Variants in ABLIM2 observed in about 807,000 individuals in gnomAD.
The protein encoded by ABLIM2 is actin-binding LIM protein 2.
ABLIM2 carries 53 observed loss-of-function variants against 97.7 expected under a neutral mutation model. The ratio of observed to expected loss-of-function variants is 0.54; its 90% CI spans 0.44 to 0.68. The LOEUF (loss-of-function observed/expected upper bound fraction) is 0.68, where lower values mean the gene tolerates loss of function less well. ABLIM2 is among the 30% of genes least tolerant of loss of function. The pLI is 0.00. For missense variants in ABLIM2, 835 were observed against 867.2 expected, an observed-to-expected ratio of 0.96 and a Z score of 0.47; for synonymous variants, 361 against 345.8, an observed-to-expected ratio of 1.04 and a Z score of -0.49.
At chr4:8,126,034 C>T (rs189060799) in intron 1 of ABLIM2, among the ~76,000 whole-genome samples, 1 of 152,300 alleles carries the variant, frequency 6.6e-6, no homozygotes, top group Admixed American at 6.5e-5. Context: ...CTCCAAGCCC[C>T]ACGGTGAGGT....
At chr4:8,076,113 G>T (rs1000407710) in intron 6 of ABLIM2, among the ~76,000 whole-genome samples, 3 of 152,214 alleles carry the variant, frequency 2.0e-5, no homozygotes, top group African/African-American at 4.8e-5. Flanking sequence ...GACCCTTCCC[G>T]TGGGGGCATC....
chr4:8,023,401 G>A lies in ABLIM2; in HGVS notation c.1268-3098C>T, dbSNP rs1775262213. On this transcript the variant is annotated intron_variant, in intron 12 of 20. Transcript: ENST00000447017. This position sits in a 1 kb window ranked among gnomAD's most constrained non-coding sequence, Gnocchi z 5.7. Reference sequence around the variant, plus strand: ...TCTGGCAGTTTTGAGGAGGGCTGCTGAGGGTTTTTGCCTGATGTTTTCTCA... The same window carrying A: ...TCTGGCAGTTTTGAGGAGGGCTGCTAAGGGTTTTTGCCTGATGTTTTCTCA... Among the ~76,000 whole-genome samples the A allele has an allele frequency of 1.3e-5, 2 of 152,268 alleles. No individual in the cohort carries two copies. The highest frequency in any genetic ancestry group is 1.3e-4 in the Admixed American group (2 of 15,290).
rs944353281 is a variant in ABLIM2 at position 8,036,146 on chromosome 4, T to C, written c.1047+3A>G. The C allele has an allele frequency of 6.2e-7, 1 of 1,613,668 alleles. No individual in the cohort carries two copies. Among genetic ancestry groups the C allele is most frequent in the Non-Finnish European group, 8.5e-7 (1 of 1,179,700 alleles). ...TCCAGGGCCATGTGGGCAGGGTCCA[T>C]ACCTCGCCGTAGCTCTGCCTGTCCC... is the stretch of plus-strand genomic sequence containing the variant. On this transcript the variant is annotated splice_donor_region_variant and intron_variant, in intron 10 of 20. Coordinates refer to ENST00000447017, the MANE Select transcript of ABLIM2 (RefSeq NM_001130083.2).
intron 9 of ABLIM2, among the ~76,000 whole-genome samples, chr4:8,039,874 G>GTTT (rs397947626): frequency 0.04 from 4,377 of 108,416 alleles, 247 homozygotes; most frequent in African/African-American, 0.12. Context: ...GCTGATTACT[G>GTTT]TTTTTTTTTT....
chr4:7,969,539 G>A (rs1228928368), intron 20 of ABLIM2, among the ~76,000 whole-genome samples: 2 of 152,098 alleles, frequency 1.3e-5, no homozygotes, highest in Non-Finnish European at 2.9e-5. Context: ...GAGACATCTG[G>A]TCAACTATGA....
chr4:8,055,491 C>A (rs566232418), intron 7 of ABLIM2, among the ~76,000 whole-genome samples: 1 of 152,336 alleles, frequency 6.6e-6, no homozygotes, highest in Admixed American at 6.5e-5. Flanking sequence ...GCTGGCACTG[C>A]ACTCACACAC....
Position 8,032,373 on chromosome 4 carries a change from C to G in ABLIM2, c.1048-2597G>C, listed in dbSNP as rs964397738. Reference sequence around the variant, plus strand: ...CTGAATTTTCCCCTAAAGGAAGCCACGGCCCAGACCACGATCTGCTCAGGG... The same window carrying G: ...CTGAATTTTCCCCTAAAGGAAGCCAGGGCCCAGACCACGATCTGCTCAGGG... On this transcript the variant is annotated intron_variant, in intron 10 of 20. Coordinates refer to ENST00000447017, the MANE Select transcript of ABLIM2 (RefSeq NM_001130083.2). This position sits in a 1 kb window ranked among gnomAD's most constrained non-coding sequence, Gnocchi z 4.3. 3.3e-5 allele frequency among the ~76,000 whole-genome samples: 5 copies of G among 152,304 alleles called. No homozygotes were observed. The highest frequency in any genetic ancestry group is 1.2e-4 in the African/African-American group (5 of 41,576).
In ABLIM2 at chr4:8,025,602, G is replaced by A. The variant is rs140430310; in HGVS notation, c.1267+2157C>T. On this transcript the variant is annotated intron_variant, in intron 12 of 20. Transcript: ENST00000447017. ...TCCTGGGCCTTCTTCACCCTGAAGT[G>A]GTAAGAATTAGACGGTGGACACTCA... is the stretch of plus-strand genomic sequence containing the variant. 8.0e-3 allele frequency among the ~76,000 whole-genome samples: 1,218 copies of A among 152,306 alleles called. 13 individuals are homozygous for A. The highest frequency in any genetic ancestry group is 0.014 in the Middle Eastern group (4 of 294).
At position 8,112,450 on chromosome 4, in the gene ABLIM2, C is replaced by A. The variant is rs1244844069; in HGVS notation, c.11-5813G>T. On this transcript the variant is annotated intron_variant, in intron 1 of 20. Coordinates refer to ENST00000447017, the MANE Select transcript of ABLIM2 (RefSeq NM_001130083.2). The surrounding 1 kb of genome is among the most constrained non-coding windows in gnomAD (Gnocchi z 4.2). ...AGAAAGCTCCACGTGCAAGGTCTGA[C>A]AGGTGGCCGTGAACAGTAGCTGTTA... 6.6e-6 allele frequency among the ~76,000 whole-genome samples: 1 copy of A among 152,214 alleles called. No homozygotes were observed. The highest frequency in any genetic ancestry group is 1.5e-5 in the Non-Finnish European group (1 of 68,040).
At chr4:8,077,185 C>T (rs1404016923) in intron 6 of ABLIM2, among the ~76,000 whole-genome samples, 2 of 152,136 alleles carry the variant, frequency 1.3e-5, no homozygotes, top group African/African-American at 4.8e-5. Context: ...GACTACCTCC[C>T]AGACCAAGGC....
chr4:8,151,022 C>T (rs1269979950), intron 1 of ABLIM2, among the ~76,000 whole-genome samples: 1 of 152,184 alleles, frequency 6.6e-6, no homozygotes, highest in East Asian at 1.9e-4. Flanking sequence ...TCTCACTCAG[C>T]ATCTCTGAGT....
Position 8,030,666 on chromosome 4 carries a change from T to C in ABLIM2, c.1048-890A>G, listed in dbSNP as rs147125703. On this transcript the variant is annotated intron_variant, in intron 10 of 20. Coordinates refer to ENST00000447017, the MANE Select transcript of ABLIM2 (RefSeq NM_001130083.2). ...CACCCTGCTCCCTTTGGCGACTGTC[T>C]AACCCCAGCCCGGGGCGCACTCTCT... Among the ~76,000 whole-genome samples, 115 of 152,278 alleles carry C rather than the reference T, an allele frequency of 7.6e-4. 1 individual carries two copies. In the East Asian group the frequency reaches 0.018, roughly 23 times the overall value.
chr4:8,065,729 G>GC (rs1561103749), intron 6 of ABLIM2, among the ~76,000 whole-genome samples: 1 of 151,908 alleles, frequency 6.6e-6, no homozygotes, highest in East Asian at 1.9e-4. Context: ...TTTGAGACCA[G>GC]CTTGACCAAC....
chr4:7,979,380 C>G (rs1433639288), intron 20 of ABLIM2, among the ~76,000 whole-genome samples: 1 of 152,238 alleles, frequency 6.6e-6, no homozygotes. Flanking sequence ...CCCACCCTCC[C>G]GCAGGCAAAC....
intron 1 of ABLIM2, among the ~76,000 whole-genome samples, chr4:8,142,847 C>T (rs1851200061): frequency 6.6e-6 from 1 of 152,228 alleles, no homozygotes; most frequent in South Asian, 2.1e-4. Flanking sequence ...GGTCAACGAG[C>T]CCTCAATGAG....
chr4:7,995,927 G>A (rs182017388), intron 16 of ABLIM2, among the ~76,000 whole-genome samples: 28 of 152,218 alleles, frequency 1.8e-4, no homozygotes, highest in South Asian at 1.5e-3. Flanking sequence ...GCCCCGAGAC[G>A]TGCAGGAACC....
intron 8 of ABLIM2, among the ~76,000 whole-genome samples, chr4:8,045,683 A>C (rs1191599966): frequency 1.3e-5 from 2 of 152,098 alleles, no homozygotes; most frequent in Non-Finnish European, 2.9e-5. Flanking sequence ...TAAATAAATA[A>C]AGTTGGGGCT....
intron 9 of ABLIM2, among the ~76,000 whole-genome samples, chr4:8,038,583 C>T (rs922224673): frequency 1.3e-5 from 2 of 152,182 alleles, no homozygotes; most frequent in African/African-American, 4.8e-5. Context: ...GCCTCCAGCC[C>T]ACCTCCTCCA....
At chr4:8,105,220 T>A (rs1836685534) in intron 2 of ABLIM2, among the ~76,000 whole-genome samples, 1 of 152,226 alleles carries the variant, frequency 6.6e-6, no homozygotes, top group Admixed American at 6.5e-5. Context: ...GCACGCCACC[T>A]CCTCTGCGAA....
Sources: allele counts gnomAD v4.1 joint callset (sites outside exome capture counted in the v4.1 genomes callset), GRCh38; gene constraint gnomAD v4.1.1; non-coding constraint Gnocchi (gnomAD v3.1); transcripts MANE v1.5; gene names NCBI Gene and HGNC (gene_info 2026-07-23, HGNC 2026-07-21).